Variants in PBRM1 observed in about 807,000 individuals in gnomAD.
PBRM1 encodes the protein polybromo 1.
Under a neutral mutation model 194.5 loss-of-function variants are expected in PBRM1, and 27 were observed. The ratio of observed to expected loss-of-function variants is 0.14; its 90% CI spans 0.10 to 0.19. The LOEUF is 0.19. Ranked by LOEUF, PBRM1 falls within the 10% of genes least tolerant of loss-of-function variation. The pLI is 1.00. For synonymous variants in PBRM1, 655 were observed against 693.2 expected, an observed-to-expected ratio of 0.94 and a Z score of 0.87; for missense variants, 1,466 against 2,077.2, an observed-to-expected ratio of 0.71 and a Z score of 5.72.
At chr3:52,591,864 A>T in intron 17 of PBRM1, among the ~76,000 whole-genome samples, 1 of 102,856 alleles carries the variant, frequency 9.7e-6, no homozygotes. Flanking sequence ...TGATGCTCTG[A>T]TGCCCAGGCT....
chr3:52,685,545 C>T (rs2097299098), intron 1 of PBRM1: 1 of 151,664 alleles, frequency 6.6e-6, no homozygotes, highest in Admixed American at 6.6e-5. Flanking sequence ...CGCCTTTGTC[C>T]CTGCCGGCAG....
chr3:52,669,184 G>C (rs1437631109), intron 2 of PBRM1, among the ~76,000 whole-genome samples: 1 of 152,008 alleles, frequency 6.6e-6, no homozygotes, highest in African/African-American at 2.4e-5. Flanking sequence ...GGCTTACGTA[G>C]CTTAACAAAG....
intron 22 of PBRM1, among the ~76,000 whole-genome samples, chr3:52,569,446 G>A (rs1238523811): frequency 3.3e-5 from 5 of 152,088 alleles, no homozygotes; most frequent in African/African-American, 4.8e-5. Flanking sequence ...TCCTGACCTC[G>A]TGATCCGCCC....
intron 9 of PBRM1, 79 bp downstream of exon 10, chr3:52,643,169 G>A: frequency 1.0e-6 from 1 of 983,726 alleles, no homozygotes. Flanking sequence ...ATTCCTTCAA[G>A]ATAGCCATTG....
intron 22 of PBRM1, among the ~76,000 whole-genome samples, chr3:52,567,174 T>C (rs2085511801): frequency 6.6e-6 from 1 of 152,084 alleles, no homozygotes; most frequent in African/African-American, 2.4e-5. Flanking sequence ...GTTTTGCATC[T>C]GAATTTTGTC....
At chr3:52,610,009 A>G (rs1293958860) in intron 15 of PBRM1, 54 bp from the exon 18 acceptor site, 1 of 1,113,870 alleles carries the variant, frequency 9.0e-7, no homozygotes, top group African/African-American at 1.6e-5. Flanking sequence ...CTAAATTTGT[A>G]TACAGATGGT....
At chr3:52,649,241 C>T (rs965867583) in intron 6 of PBRM1, among the ~76,000 whole-genome samples, 1 of 152,190 alleles carries the variant, frequency 6.6e-6, no homozygotes, top group African/African-American at 2.4e-5. Flanking sequence ...GGAATCAGCA[C>T]AGGCATCGGG....
At chr3:52,555,329 G>T (rs1467526909) in intron 26 of PBRM1, among the ~76,000 whole-genome samples, 1 of 152,162 alleles carries the variant, frequency 6.6e-6, no homozygotes, top group African/African-American at 2.4e-5. Flanking sequence ...TAGGAAGGGA[G>T]GGAAATGAGC....
intron 2 of PBRM1, among the ~76,000 whole-genome samples, chr3:52,670,358 C>G (rs1049521905): frequency 2.6e-5 from 4 of 152,158 alleles, no homozygotes; most frequent in African/African-American, 9.7e-5. Context: ...ATCAAACATA[C>G]AGAAAACCAT....
At chr3:52,665,594 C>T (rs1246130682) in intron 3 of PBRM1, among the ~76,000 whole-genome samples, 1 of 152,178 alleles carries the variant, frequency 6.6e-6, no homozygotes, top group African/African-American at 2.4e-5. Flanking sequence ...CTGAGCTCCT[C>T]CTGTCACATC....
At chr3:52,626,844 A>C (rs1484445279) in intron 13 of PBRM1, among the ~76,000 whole-genome samples, 1 of 152,180 alleles carries the variant, frequency 6.6e-6, no homozygotes, top group Non-Finnish European at 1.5e-5. Flanking sequence ...TGAGGTGAAC[A>C]AGGACAAACA....
intron 2 of PBRM1, among the ~76,000 whole-genome samples, chr3:52,673,326 G>C (rs1231671602): frequency 6.6e-6 from 1 of 151,380 alleles, no homozygotes; most frequent in Non-Finnish European, 1.5e-5. Context: ...ATGTGAACCA[G>C]GTGTTAAAAA....
At chr3:52,603,971 A>C (rs879690089) in intron 16 of PBRM1, among the ~76,000 whole-genome samples, 22 of 152,344 alleles carry the variant, frequency 1.4e-4, no homozygotes, top group Middle Eastern at 3.4e-3. Context: ...CAGCTCATGA[A>C]AAACGAAAGG....
At chr3:52,604,224 G>A (rs62253730) in intron 16 of PBRM1, among the ~76,000 whole-genome samples, 10 of 152,094 alleles carry the variant, frequency 6.6e-5, no homozygotes, top group South Asian at 6.2e-4. Flanking sequence ...TGTGAATATC[G>A]GAACCTAAAG....
chr3:52,590,040 C>T (rs1320273307), intron 17 of PBRM1, among the ~76,000 whole-genome samples: 1 of 151,936 alleles, frequency 6.6e-6, no homozygotes, highest in African/African-American at 2.4e-5. Flanking sequence ...CTTGGTCAGG[C>T]TGGTCTCGAT....
intron 5 of PBRM1, among the ~76,000 whole-genome samples, chr3:52,655,696 A>T (rs892133439): frequency 6.6e-6 from 1 of 152,166 alleles, no homozygotes; most frequent in African/African-American, 2.4e-5. Context: ...ATTAATAATT[A>T]CATCTTTCTA....
intron 2 of PBRM1, among the ~76,000 whole-genome samples, chr3:52,672,489 GGCTTT>G (rs1045497052): frequency 1.5e-5 from 2 of 137,316 alleles, no homozygotes; most frequent in Admixed American, 1.6e-4. Flanking sequence ...GTTTTTTTTT[GGCTTT>G]TTTTTTTTTT....
At chr3:52,649,882 G>T (rs934839) in intron 6 of PBRM1, among the ~76,000 whole-genome samples, 17,150 of 152,098 alleles carry the variant, frequency 0.11, 2,556 homozygotes, top group African/African-American at 0.34. Flanking sequence ...GAGACTTTTG[G>T]AAAGAAGAAA....
At chr3:52,615,125 A>C (rs909809479) in intron 15 of PBRM1, among the ~76,000 whole-genome samples, 3 of 152,270 alleles carry the variant, frequency 2.0e-5, no homozygotes, top group Non-Finnish European at 4.4e-5. Flanking sequence ...TACGCATTTA[A>C]GAAAGTAAAC....
Sources: gnomAD v4.1 joint callset for allele counts (sites outside exome capture counted in the v4.1 genomes callset) on GRCh38, gnomAD v4.1.1 for gene constraint, MANE v1.5 for transcripts, NCBI Gene and HGNC (gene_info 2026-07-23, HGNC 2026-07-21) for gene names.